Variants in PAFAH1B1 observed in about 807,000 individuals in gnomAD.
PAFAH1B1 encodes the protein platelet activating factor acetylhydrolase 1b regulatory subunit 1.
PAFAH1B1 carries 2 observed loss-of-function variants against 57.5 expected under a neutral mutation model. That is an observed-to-expected ratio of 0.03 (90% CI 0.01 to 0.11). The LOEUF is 0.11. Ranked by LOEUF, PAFAH1B1 falls within the 10% of genes least tolerant of loss-of-function variation. The pLI, the probability that PAFAH1B1 is intolerant of heterozygous loss-of-function variation, is 1.00. For synonymous variants in PAFAH1B1, 152 were observed against 169.6 expected (o/e 0.90, Z 0.81); for missense variants, 257 against 512.0 (o/e 0.50, Z 4.81).
At chr17:2,638,397 G>A (rs2068651214) in intron 2 of PAFAH1B1, 77 bp downstream of exon 2, 1 of 1,152,740 alleles carries the variant, frequency 8.7e-7, no homozygotes, top group African/African-American at 1.5e-5. Flanking sequence ...TACAGCTTTG[G>A]GAGGTCTCTT....
intron 1 of PAFAH1B1, among the ~76,000 whole-genome samples, chr17:2,624,039 A>G (rs768838303): frequency 6.6e-6 from 1 of 152,198 alleles, no homozygotes; most frequent in Non-Finnish European, 1.5e-5. Flanking sequence ...ACCCTAAATC[A>G]TCTTTCTCAA....
chr17:2,643,285 G>A (rs1012370721), intron 2 of PAFAH1B1, among the ~76,000 whole-genome samples: 6 of 151,804 alleles, frequency 4.0e-5, no homozygotes, highest in Non-Finnish European at 1.5e-5. Context: ...TGCCTTTTTT[G>A]TTTTCCCCCT....
chr17:2,658,662 C>T (rs1257801598), intron 2 of PAFAH1B1, among the ~76,000 whole-genome samples: 1 of 152,122 alleles, frequency 6.6e-6, no homozygotes, highest in Non-Finnish European at 1.5e-5. Context: ...GGTCCACTCA[C>T]CCTGCATTGC....
At chr17:2,594,388 G>A (rs939083078) in intron 1 of PAFAH1B1, among the ~76,000 whole-genome samples, 6 of 152,196 alleles carry the variant, frequency 3.9e-5, no homozygotes, top group African/African-American at 7.2e-5. Context: ...AAGGGCGTGG[G>A]GACCAGGTAG....
At chr17:2,679,964 G>A in intron 9 of PAFAH1B1, 200 bp from the exon 10 acceptor site, 1 of 587,838 alleles carries the variant, frequency 1.7e-6, no homozygotes, top group Non-Finnish European at 3.0e-6. Flanking sequence ...CCTCATCCAG[G>A]ACCCAGTCAG....
chr17:2,629,134 C>G (rs2068526459), intron 1 of PAFAH1B1, among the ~76,000 whole-genome samples: 1 of 151,982 alleles, frequency 6.6e-6, no homozygotes, highest in South Asian at 2.1e-4. Context: ...TTTTCTTCTG[C>G]TGGGTTTGGG....
intron 2 of PAFAH1B1, among the ~76,000 whole-genome samples, chr17:2,648,677 CA>C (rs56187260): frequency 1.8e-3 from 153 of 86,968 alleles, no homozygotes; most frequent in East Asian, 0.011. Context: ...GACTCTGTCT[CA>C]AAAAAAAAAA....
chr17:2,631,776 A>G (rs141600026), intron 1 of PAFAH1B1, among the ~76,000 whole-genome samples: 267 of 152,300 alleles, frequency 1.8e-3, no homozygotes, highest in African/African-American at 5.8e-3. Context: ...TTGTTCTTGC[A>G]GTGGATCTGG....
chr17:2,681,338 A>G (rs993238868), intron 10 of PAFAH1B1: 39 of 160,142 alleles, frequency 2.4e-4, no homozygotes, highest in East Asian at 9.0e-4. Flanking sequence ...TTGAGTCTCA[A>G]CTTCCCTAAC....
chr17:2,631,331 C>T (rs1286922549), intron 1 of PAFAH1B1, among the ~76,000 whole-genome samples: 1 of 152,142 alleles, frequency 6.6e-6, no homozygotes, highest in Admixed American at 6.6e-5. Flanking sequence ...TTAGTTCTTC[C>T]GTAGTCTGTG....
At chr17:2,652,860 C>T (rs1372669748) in intron 2 of PAFAH1B1, among the ~76,000 whole-genome samples, 4 of 152,096 alleles carry the variant, frequency 2.6e-5, no homozygotes, top group African/African-American at 9.7e-5. Flanking sequence ...GTCAGTGTGG[C>T]GATTCCTCAG....
chr17:2,653,614 C>T (rs1268132399), intron 2 of PAFAH1B1, among the ~76,000 whole-genome samples: 2 of 152,076 alleles, frequency 1.3e-5, no homozygotes, highest in Admixed American at 1.3e-4. Flanking sequence ...GGACTGTTTG[C>T]ACTGTTTACC....
At chr17:2,638,581 C>A in intron 2 of PAFAH1B1, 1 of 399,526 alleles carries the variant, frequency 2.5e-6, no homozygotes, top group Non-Finnish European at 4.5e-6. Flanking sequence ...CATCTCGGCT[C>A]ACTTCAACCT....
At chr17:2,624,511 CT>C (rs2068464133) in intron 1 of PAFAH1B1, among the ~76,000 whole-genome samples, 1 of 152,170 alleles carries the variant, frequency 6.6e-6, no homozygotes. Context: ...AAAGGCACTT[CT>C]TACATGTCAG....
In PAFAH1B1 at chr17:2,614,168, G is replaced by A. The variant is rs555225879; in HGVS notation, c.-191+20162G>A. Reference sequence around the variant, plus strand: ...CTTAGCCTCCTGAGTAGCTGGGACCGCAGGTGTGTGCCACCATTCCTGGCT... The same window carrying A: ...CTTAGCCTCCTGAGTAGCTGGGACCACAGGTGTGTGCCACCATTCCTGGCT... On this transcript the variant is annotated intron_variant, in intron 1 of 10. Transcript: ENST00000397195. 6.7e-5 allele frequency among the ~76,000 whole-genome samples: 10 copies of A among 149,006 alleles called. No homozygotes were observed. In the East Asian group the frequency reaches 1.0e-3, roughly 15 times the overall value.
rs190646030 is a variant in PAFAH1B1 at position 2,601,697 on chromosome 17, C to T, written c.-191+7691C>T. ...CCTCAGGTGATCCTCCTGCCTCGGC[C>T]CCGCAAAGTGCTGGGATTACAGGCA... is the stretch of plus-strand genomic sequence containing the variant. On this transcript the variant is annotated intron_variant, in intron 1 of 10. Transcript: ENST00000397195. Among the ~76,000 whole-genome samples, 825 of 152,286 alleles carry T rather than the reference C, an allele frequency of 5.4e-3. 6 individuals carry two copies. Among genetic ancestry groups the T allele is most frequent in the South Asian group, 0.016 (79 of 4,826 alleles).
At chr17:2,609,806 G>A (rs1431847390) in intron 1 of PAFAH1B1, among the ~76,000 whole-genome samples, 2 of 151,796 alleles carry the variant, frequency 1.3e-5, no homozygotes, top group African/African-American at 2.4e-5. Flanking sequence ...CACCGCGCCC[G>A]GCTGAAACGA....
chr17:2,636,546 T>C (rs907148849), intron 1 of PAFAH1B1, among the ~76,000 whole-genome samples: 14 of 152,026 alleles, frequency 9.2e-5, no homozygotes, highest in African/African-American at 3.4e-4. Flanking sequence ...GTCTCCCAGG[T>C]TCAAGCAATT....
At position 2,667,101 on chromosome 17, in the gene PAFAH1B1, A is replaced by G. The variant is rs2069115921; in HGVS notation, c.302A>G (p.Lys101Arg). 4 of 1,613,934 alleles carry G rather than the reference A, an allele frequency of 2.5e-6. No homozygotes were observed. The highest frequency in any genetic ancestry group is 3.4e-6 in the Non-Finnish European group (4 of 1,179,838). ...PKEWIPRPPE[K>R]YALSGHRSPV... ...GAATGGATTCCCCGTCCGCCAGAAA[A>G]ATATGCATTGAGTGGTCACAGGAGT... Residue 101 changes from lysine to arginine, a missense_variant, in exon 5 of 11, where the codon AAA becomes AGA. By Grantham distance (26) the Lys-to-Arg change is conservative. Transcript: ENST00000397195.
Sources: allele counts gnomAD v4.1 joint callset (sites outside exome capture counted in the v4.1 genomes callset), GRCh38; gene constraint gnomAD v4.1.1; transcripts MANE v1.5; gene names NCBI Gene and HGNC (gene_info 2026-07-23, HGNC 2026-07-21).